Variants in CDH18 observed in about 807,000 individuals in gnomAD.
The protein encoded by CDH18 is cadherin-18.
In CDH18, 31 loss-of-function variants were observed where a neutral mutation model predicts 67.9. That is an observed-to-expected ratio of 0.46 (90% confidence interval 0.34 to 0.62). CDH18 has a LOEUF of 0.62. Among genes scored for constraint, CDH18 ranks in the 20% least tolerant of loss-of-function variants. The pLI is 0.01. For synonymous variants in CDH18, 362 were observed against 347.2 expected (o/e 1.04, Z -0.48); for missense variants, 890 against 975.5 (o/e 0.91, Z 1.17).
chr5:20,182,154 A>G (rs2126686351), intron 2 of CDH18, among the ~76,000 whole-genome samples: 1 of 152,288 alleles, frequency 6.6e-6, no homozygotes, highest in East Asian at 1.9e-4. Context: ...AAGGGATAAT[A>G]GCAAAACCAA....
intron 5 of CDH18, among the ~76,000 whole-genome samples, chr5:19,613,860 C>A (rs553665695): frequency 2.0e-5 from 3 of 152,068 alleles, no homozygotes; most frequent in Non-Finnish European, 4.4e-5. Flanking sequence ...ATTTATATGT[C>A]CATCTATATA....
intron 3 of CDH18, among the ~76,000 whole-genome samples, chr5:19,814,847 T>TACACACAC (rs200095987): frequency 2.3e-5 from 3 of 127,714 alleles, no homozygotes; most frequent in African/African-American, 7.9e-5. Flanking sequence ...GCAAAATTGT[T>TACACACAC]ACACACACAC....
intron 1 of CDH18, among the ~76,000 whole-genome samples, chr5:20,571,866 C>T (rs115298360): frequency 3.4e-3 from 521 of 152,122 alleles, no homozygotes; most frequent in African/African-American, 0.012. Context: ...GAGCTAGCAC[C>T]ATTTGAAAAA....
intron 1 of CDH18, among the ~76,000 whole-genome samples, chr5:20,415,665 C>G (rs1457993457): frequency 6.6e-6 from 1 of 151,706 alleles, no homozygotes; most frequent in Non-Finnish European, 1.5e-5. Context: ...CCCAGCTACT[C>G]GGGAGGCTGA....
chr5:20,105,527 T>C (rs1167407360), intron 2 of CDH18, among the ~76,000 whole-genome samples: 2 of 152,170 alleles, frequency 1.3e-5, no homozygotes, highest in Non-Finnish European at 2.9e-5. Context: ...CCACCATCTA[T>C]CTAGAACTTC....
chr5:19,864,654 T>C (rs1258491570), intron 2 of CDH18, among the ~76,000 whole-genome samples: 1 of 152,152 alleles, frequency 6.6e-6, no homozygotes, highest in African/African-American at 2.4e-5. Flanking sequence ...TGGTCACACA[T>C]GTGCAAATCT....
chr5:20,575,253 A>T (rs1561146086), intron 1 of CDH18, among the ~76,000 whole-genome samples: 1 of 150,400 alleles, frequency 6.6e-6, no homozygotes, highest in Non-Finnish European at 1.5e-5. Context: ...TTTTTGAAAA[A>T]AAAATCTGTA....
intron 9 of CDH18, among the ~76,000 whole-genome samples, chr5:19,531,801 C>T (rs1748665212): frequency 6.6e-6 from 1 of 152,084 alleles, no homozygotes; most frequent in South Asian, 2.1e-4. Context: ...CCAGGTGTGG[C>T]TTCCTGAAAA....
At chr5:19,931,253 C>A (rs1793662609) in intron 2 of CDH18, among the ~76,000 whole-genome samples, 1 of 151,888 alleles carries the variant, frequency 6.6e-6, no homozygotes, top group Non-Finnish European at 1.5e-5. Flanking sequence ...TCTCCTCAAT[C>A]TAATCTGAGT....
At chr5:20,321,370 C>T (rs1452409841) in intron 1 of CDH18, among the ~76,000 whole-genome samples, 1 of 152,004 alleles carries the variant, frequency 6.6e-6, no homozygotes. Context: ...CACCAGGGAC[C>T]AGATAACATA....
chr5:20,243,216 G>T (rs1185442106), intron 2 of CDH18, among the ~76,000 whole-genome samples: 1 of 152,092 alleles, frequency 6.6e-6, no homozygotes, highest in Non-Finnish European at 1.5e-5. Flanking sequence ...TTGTCCATAG[G>T]CTGTGCCTGG....
At chr5:19,976,461 G>A (rs10036996) in intron 2 of CDH18, among the ~76,000 whole-genome samples, 85,628 of 151,610 alleles carry the variant, frequency 0.56, 24,316 homozygotes, top group Middle Eastern at 0.7. Context: ...CCTTTCAACA[G>A]TCTCAAAGAA....
chr5:19,597,399 T>C (rs1250937298), intron 6 of CDH18, among the ~76,000 whole-genome samples: 1 of 152,132 alleles, frequency 6.6e-6, no homozygotes, highest in Non-Finnish European at 1.5e-5. Flanking sequence ...CAGGCATAGA[T>C]AAGCTATACA....
In CDH18 at chr5:20,540,965, A is replaced by G. The variant is rs542132221; in HGVS notation, c.-580+34497T>C. On this transcript the variant is annotated intron_variant, in intron 1 of 14. Transcript: ENST00000507958. ...AAACTTGTCAATCAGTGAAGACATT[A>G]GTGATGACTGAGGAAGTTCTATTCT... Among the ~76,000 whole-genome samples, 3 of 152,320 alleles carry G rather than the reference A, an allele frequency of 2.0e-5. No individual in the cohort carries two copies. The South Asian group carries it at 6.2e-4, about 32-fold the overall frequency.
intron 5 of CDH18, among the ~76,000 whole-genome samples, chr5:19,702,148 C>CCT (rs1554008476): frequency 8.7e-6 from 1 of 114,888 alleles, no homozygotes; most frequent in African/African-American, 3.5e-5. Flanking sequence ...CTTTCTCTCT[C>CCT]TTTTTTTTTT....
Position 20,197,539 on chromosome 5 carries a change from C to G in CDH18, c.-518+57905G>C, listed in dbSNP as rs542617257. ...ACAATTACGACTCAAGAAGTTACAG[C>G]TGGAAGAAACAGAAAGTTTCCTTGC... On this transcript the variant is annotated intron_variant, in intron 2 of 14. Transcript: ENST00000507958. Among the ~76,000 whole-genome samples, 8 of 152,284 alleles carry G rather than the reference C, an allele frequency of 5.3e-5. No individual in the cohort carries two copies. In the South Asian group the frequency reaches 1.4e-3, roughly 28 times the overall value.
At chr5:20,334,693 C>A (rs1027827785) in intron 1 of CDH18, among the ~76,000 whole-genome samples, 5 of 151,526 alleles carry the variant, frequency 3.3e-5, no homozygotes, top group Non-Finnish European at 5.9e-5. Context: ...AAAAGAAATT[C>A]TCCTAATTCT....
At chr5:20,094,624 CCT>C (rs1277244715) in intron 2 of CDH18, among the ~76,000 whole-genome samples, 1 of 152,066 alleles carries the variant, frequency 6.6e-6, no homozygotes, top group East Asian at 1.9e-4. Context: ...TTCTTTGTGT[CCT>C]CTCTTATTTC....
At chr5:20,448,092 C>T (rs1264145425) in intron 1 of CDH18, among the ~76,000 whole-genome samples, 5 of 151,878 alleles carry the variant, frequency 3.3e-5, no homozygotes, top group Non-Finnish European at 7.4e-5. Context: ...GTGATGTTCC[C>T]CTTCCCATAT....
Sources: allele counts gnomAD v4.1 joint callset (sites outside exome capture counted in the v4.1 genomes callset), GRCh38; gene constraint gnomAD v4.1.1; transcripts MANE v1.5; gene names NCBI Gene and HGNC (gene_info 2026-07-23, HGNC 2026-07-21).